Variants in DNAH5 observed in about 807,000 individuals in gnomAD.
DNAH5 encodes axonemal beta dynein heavy chain 5.
In DNAH5, 372 loss-of-function variants were observed where a neutral mutation model predicts 518.2. That is an observed-to-expected ratio of 0.72 (90% CI 0.66 to 0.78). DNAH5 has a LOEUF of 0.78. DNAH5 is among the 30% of genes least tolerant of loss of function. The pLI is 0.00. For missense variants in DNAH5, 5,523 were observed against 5,687.0 expected (o/e 0.97, Z 0.93); for synonymous variants, 2,039 against 2,025.9 (o/e 1.01, Z -0.17).
chr5:13,808,225 CAAAAAAAAAAAA>C (rs56686032), intron 46 of DNAH5, among the ~76,000 whole-genome samples: 1 of 86,340 alleles, frequency 1.2e-5, no homozygotes, highest in Admixed American at 1.3e-4. Flanking sequence ...GACTCCATCT[CAAAAAAAAAAAA>C]AAAAAAAAAA....
chr5:13,775,861 A>G (rs1309686439), intron 55 of DNAH5, among the ~76,000 whole-genome samples: 1 of 152,116 alleles, frequency 6.6e-6, no homozygotes, highest in Admixed American at 6.6e-5. Flanking sequence ...TAAAAATTTG[A>G]AAACTACTGT....
intron 70 of DNAH5, among the ~76,000 whole-genome samples, chr5:13,723,456 T>A (rs1745316588): frequency 6.6e-6 from 1 of 152,226 alleles, no homozygotes; most frequent in South Asian, 2.1e-4. Flanking sequence ...AGCAAGGGGC[T>A]CAACATGGCC....
At position 13,923,407 on chromosome 5, in the gene DNAH5, A is replaced by G; in HGVS notation, c.311T>C (p.Val104Ala). 1 of 1,614,164 alleles carries G rather than the reference A, an allele frequency of 6.2e-7. No individual in the cohort carries two copies. Among genetic ancestry groups the G allele is most frequent in the South Asian group, 1.1e-5 (1 of 91,084 alleles). ...QLGSLGGVNLVSGKIKKPKVF... is the reference protein window; with the variant it reads ...QLGSLGGVNLASGKIKKPKVF... ...CTTAGGTTTTTTAATCTTTCCAGAA[A>G]CAAGATTTACCCCTCCTAGAGAGCC... The change falls in exon 4 of 79, where the codon GTT (valine) becomes GCT (alanine). Residue 104 changes from valine (V) to alanine (A), a missense_variant. This residue lies in a region of DNAH5 where 5,121 missense variants were observed against 5,223.3 expected (regional missense o/e 0.98). Transcript: ENST00000265104.
At chr5:13,699,712 T>G (rs1301478500) in intron 78 of DNAH5, among the ~76,000 whole-genome samples, 1 of 152,224 alleles carries the variant, frequency 6.6e-6, no homozygotes, top group African/African-American at 2.4e-5. Flanking sequence ...AGACTCTGTC[T>G]CATATAAATA....
At chr5:13,908,399 C>A (rs1775607956) in intron 12 of DNAH5, among the ~76,000 whole-genome samples, 1 of 152,182 alleles carries the variant, frequency 6.6e-6, no homozygotes, top group Non-Finnish European at 1.5e-5. Flanking sequence ...ACCAGCAAAT[C>A]TCTACTGAGC....
intron 15 of DNAH5, chr5:13,896,465 A>G (rs994123635): frequency 3.3e-5 from 5 of 152,198 alleles, no homozygotes; most frequent in South Asian, 4.1e-4. Context: ...AAGATTATAA[A>G]CCACCACCAA....
At position 13,714,536 on chromosome 5, in the gene DNAH5, C is replaced by T. The variant is rs779253735; in HGVS notation, c.12994G>A (p.Val4332Met). The T allele has an allele frequency of 3.2e-5, 51 of 1,614,064 alleles. No individual in the cohort carries two copies. Among genetic ancestry groups the T allele is most frequent in the African/African-American group, 1.6e-4 (12 of 74,936 alleles). The change falls in exon 75 of 79, where the codon GTG becomes ATG. Residue 4332 changes from valine to methionine, a missense_variant. Val to Met is a conservative substitution (Grantham distance 21). Around this residue, in one of 3 missense-constraint regions of DNAH5, gnomAD observed 387 missense variants for 430.0 expected, o/e 0.90. Transcript: ENST00000265104. ...TGGATGCCTAGGATGGTGTCCAGCA[C>T]GTCCTTGGCCAGCTTGCTCTGGTAG... ...ITYQSKLAKD[V>M]LDTILGIQPK...
At chr5:13,811,607 T>G in intron 44 of DNAH5, 40 bp downstream of exon 44, 2 of 1,589,714 alleles carry the variant, frequency 1.3e-6, no homozygotes, top group South Asian at 1.1e-5. Flanking sequence ...CATGGCTAAG[T>G]TGATAAGAGA....
intron 3 of DNAH5, among the ~76,000 whole-genome samples, chr5:13,923,837 A>T (rs376590048): frequency 6.6e-6 from 1 of 152,230 alleles, no homozygotes; most frequent in South Asian, 2.1e-4. Context: ...TGAGGTCAGG[A>T]GTTCGAGACC....
chr5:13,830,332 A>C (rs1763479584), intron 36 of DNAH5, 119 bp from the exon 37 acceptor site: 2 of 1,025,288 alleles, frequency 2.0e-6, no homozygotes, highest in East Asian at 5.2e-5. Context: ...AGTAAAGTGC[A>C]ACAAATAGAT....
intron 40 of DNAH5, 63 bp from the exon 41 acceptor site, chr5:13,820,562 C>T (rs574906368): frequency 1.6e-5 from 26 of 1,589,478 alleles, no homozygotes; most frequent in African/African-American, 5.4e-5. Flanking sequence ...CGGTGGCTCA[C>T]GCCTGTAATC....
chr5:13,809,199 G>A lies in DNAH5; in HGVS notation c.7610-13C>T, dbSNP rs770501534. 2 of 1,613,914 alleles carry A rather than the reference G, an allele frequency of 1.2e-6. No homozygotes were observed. The highest frequency in any genetic ancestry group is 2.7e-5 in the African/African-American group (2 of 75,022). On this transcript the variant is annotated splice_polypyrimidine_tract_variant and intron_variant, in intron 45 of 78. Coordinates refer to ENST00000265104, the MANE Select transcript of DNAH5 (RefSeq NM_001369.3). Reference sequence around the variant, plus strand: ...TGCGTCCATGTACCTAAGGTGAGCAGAGGACATTTCCATCTCCATATTAAT... The same window carrying A: ...TGCGTCCATGTACCTAAGGTGAGCAAAGGACATTTCCATCTCCATATTAAT...
chr5:13,734,613 T>A (rs2126603646), intron 68 of DNAH5, among the ~76,000 whole-genome samples: 1 of 152,142 alleles, frequency 6.6e-6, no homozygotes, highest in East Asian at 1.9e-4. Context: ...CCTGATGCCA[T>A]CCCTTCTGCT....
intron 38 of DNAH5, 128 bp from the exon 39 acceptor site, chr5:13,824,461 C>T: frequency 3.5e-6 from 3 of 859,236 alleles, no homozygotes; most frequent in South Asian, 3.0e-5. Context: ...AATGCATACA[C>T]ACAATGGGGT....
Position 13,844,882 on chromosome 5 carries a change from C to T in DNAH5, c.5226G>A (p.Leu1742=), listed in dbSNP as rs749878110. Residue 1742 remains leucine, a synonymous_variant, in exon 32 of 79, where the codon TTG becomes TTA. Coordinates refer to ENST00000265104, the MANE Select transcript of DNAH5 (RefSeq NM_001369.3). The part of the protein sequence containing the change: ...ASDSHTIQAH[L]LNVFDNIKSV... ...ATTTAATGTTGTCAAACACATTCAG[C>T]AAATGGGCCTGTATAGTGTGGGAGT... The T allele has an allele frequency of 5.6e-6, 9 of 1,614,088 alleles. No homozygotes were observed. In the Admixed American group the frequency reaches 1.5e-4, roughly 27 times the overall value.
intron 78 of DNAH5, among the ~76,000 whole-genome samples, chr5:13,692,369 C>T (rs1365541175): frequency 6.6e-6 from 1 of 152,128 alleles, no homozygotes; most frequent in African/African-American, 2.4e-5. Flanking sequence ...TCTGCTGGCC[C>T]CTTGCCCTGA....
chr5:13,969,034 G>C (rs748000125), intron 1 of DNAH5, among the ~76,000 whole-genome samples: 1 of 151,938 alleles, frequency 6.6e-6, no homozygotes, highest in Non-Finnish European at 1.5e-5. Flanking sequence ...TTTCTTCCTG[G>C]TTTAATCTAA....
intron 61 of DNAH5, among the ~76,000 whole-genome samples, 168 bp from the exon 62 acceptor site, chr5:13,754,506 T>G (rs886845495): frequency 4.6e-5 from 7 of 152,076 alleles, no homozygotes; most frequent in Non-Finnish European, 7.4e-5. Context: ...AGCCCAGTCC[T>G]CTCTCCTTTG....
intron 7 of DNAH5, among the ~76,000 whole-genome samples, chr5:13,918,594 C>A (rs1407030807): frequency 6.6e-6 from 1 of 152,168 alleles, no homozygotes; most frequent in African/African-American, 2.4e-5. Context: ...CCTCAGCCTC[C>A]CAAGTAGCTG....
Sources: gnomAD v4.1 joint callset for allele counts (sites outside exome capture counted in the v4.1 genomes callset) on GRCh38, gnomAD v4.1.1 for gene constraint, gnomAD v4.1.1 regional missense constraint, MANE v1.5 for transcripts, NCBI Gene and HGNC (gene_info 2026-07-23, HGNC 2026-07-21) for gene names.